The following COL25A1 variants were observed in gnomAD, a reference collection of about 807,000 sequenced individuals.
COL25A1 encodes the protein collagen type XXV alpha 1 chain, also known as collagen alpha-1(XXV) chain.
COL25A1 carries 103 observed loss-of-function variants against 128.4 expected under a neutral mutation model. The ratio of observed to expected loss-of-function variants is 0.80; its 90% CI spans 0.68 to 0.94. The LOEUF (loss-of-function observed/expected upper bound fraction) is 0.94, where lower values mean the gene tolerates loss of function less well. COL25A1 is among the 40% of genes least tolerant of loss of function. COL25A1 has a pLI of 0.00. For synonymous variants in COL25A1, 279 were observed against 277.2 expected, an observed-to-expected ratio of 1.01 and a Z score of -0.06; for missense variants, 745 against 840.0, an observed-to-expected ratio of 0.89 and a Z score of 1.40.
chr4:109,203,033 A>G (rs1319023858), intron 3 of COL25A1, among the ~76,000 whole-genome samples: 1 of 152,112 alleles, frequency 6.6e-6, no homozygotes, highest in African/African-American at 2.4e-5. Context: ...TCTTCCCCCA[A>G]AAGTCCTAGA....
chr4:108,863,314 C>CTCACCTT lies in COL25A1; in HGVS notation c.1150_1152+4dup, dbSNP rs1436392581. 6.2e-7 allele frequency: 1 copy of CTCACCTT among 1,613,312 alleles called. No homozygotes were observed. Among genetic ancestry groups the CTCACCTT allele is most frequent in the Admixed American group, 1.7e-5 (1 of 59,966 alleles). On this transcript the variant is annotated splice_donor_region_variant and intron_variant, in intron 21 of 37. Transcript: ENST00000399132. ...TGGTTATTTTCCAGTTTAAGAATAACTCACCTTTGGTCCGGGGGCTCCAGG... is the reference window on the plus strand; with the variant it reads ...TGGTTATTTTCCAGTTTAAGAATAACTCACCTTTCACCTTTGGTCCGGGGGCTCCAGG...
chr4:109,183,311 A>G (rs868587776), intron 3 of COL25A1, among the ~76,000 whole-genome samples: 4 of 152,150 alleles, frequency 2.6e-5, no homozygotes, highest in Admixed American at 6.6e-5. Flanking sequence ...AAAAGAGAAG[A>G]CAATGAAAAA....
intron 3 of COL25A1, among the ~76,000 whole-genome samples, chr4:109,202,773 A>G (rs370253363): frequency 1.3e-5 from 2 of 152,156 alleles, no homozygotes; most frequent in South Asian, 4.1e-4. Context: ...TCTATATTTT[A>G]TATATGTGTG....
At chr4:108,873,320 A>G (rs1738995074) in intron 19 of COL25A1, among the ~76,000 whole-genome samples, 1 of 152,218 alleles carries the variant, frequency 6.6e-6, no homozygotes, top group Admixed American at 6.5e-5. Flanking sequence ...TAGAACAAAA[A>G]TGCAGAATTT....
At chr4:108,862,170 G>T (rs868825884) in intron 22 of COL25A1, among the ~76,000 whole-genome samples, 2 of 152,092 alleles carry the variant, frequency 1.3e-5, no homozygotes, top group Non-Finnish European at 2.9e-5. Flanking sequence ...CAAAGACAGC[G>T]AGGAAATGAA....
intron 3 of COL25A1, among the ~76,000 whole-genome samples, chr4:109,123,316 A>AT: frequency 6.6e-6 from 1 of 151,962 alleles, no homozygotes; most frequent in Non-Finnish European, 1.5e-5. Context: ...TAAAAAAAAA[A>AT]CAGGTTGTTT....
At chr4:108,825,476 G>T (rs921744628) in intron 33 of COL25A1, among the ~76,000 whole-genome samples, 25 of 152,042 alleles carry the variant, frequency 1.6e-4, no homozygotes, top group African/African-American at 5.3e-4. Context: ...ATCAGTCCAG[G>T]AGTTAAATTA....
chr4:109,297,478 C>T (rs1224815617), intron 3 of COL25A1, among the ~76,000 whole-genome samples: 3 of 151,856 alleles, frequency 2.0e-5, no homozygotes, highest in African/African-American at 4.8e-5. Flanking sequence ...AAAAGTTTTC[C>T]CTGCAATTTT....
chr4:109,183,411 G>A (rs1337955956), intron 3 of COL25A1, among the ~76,000 whole-genome samples: 1 of 152,104 alleles, frequency 6.6e-6, no homozygotes, highest in East Asian at 1.9e-4. Flanking sequence ...ACCCTCAGGA[G>A]CAAACAACAA....
chr4:109,231,334 C>T (rs1779153570), intron 3 of COL25A1, among the ~76,000 whole-genome samples: 1 of 152,094 alleles, frequency 6.6e-6, no homozygotes, highest in South Asian at 2.1e-4. Flanking sequence ...AACTAATCTA[C>T]ACATTTTAGA....
chr4:108,989,283 A>G (rs895448383), intron 6 of COL25A1, among the ~76,000 whole-genome samples: 14 of 152,364 alleles, frequency 9.2e-5, no homozygotes, highest in African/African-American at 3.4e-4. Context: ...TGCAGTGCAC[A>G]GTGTGCACAA....
At position 108,901,142 on chromosome 4, in the gene COL25A1, G is replaced by C; in HGVS notation, c.811C>G (p.Gln271Glu). Residue 271 changes from glutamine (Q) to glutamate (E), a missense_variant, in exon 14 of 38, where the codon CAG (glutamine) becomes GAG (glutamate). Around this residue, in one of 3 missense-constraint regions of COL25A1, gnomAD observed 39 missense variants for 73.3 expected, o/e 0.53. Coordinates refer to ENST00000399132, the MANE Select transcript of COL25A1 (RefSeq NM_198721.4). ...ACCTTAGGTCCTGGTATTCCATTCT[G>C]TCCTACTGCTCCAGGCAACCCGGGC... ...GEPGLPGAVG[Q>E]NGIPGPKGEP... 1 of 1,612,266 alleles carries C rather than the reference G, an allele frequency of 6.2e-7. No individual in the cohort carries two copies. The highest frequency in any genetic ancestry group is 2.2e-5 in the East Asian group (1 of 44,822).
intron 19 of COL25A1, among the ~76,000 whole-genome samples, chr4:108,879,276 G>A (rs924258333): frequency 2.6e-5 from 4 of 152,290 alleles, no homozygotes; most frequent in Non-Finnish European, 5.9e-5. Context: ...TAATGTGGAA[G>A]CCAGAACAAA....
chr4:109,001,387 C>CTGTCAGGTAGGCATCTGAGATCT (rs1755367587), intron 6 of COL25A1, among the ~76,000 whole-genome samples: 2 of 152,182 alleles, frequency 1.3e-5, no homozygotes, highest in Non-Finnish European at 2.9e-5. Context: ...ATCTGAGATC[C>CTGTCAGGTAGGCATCTGAGATCT]TGTCAGGTAG....
intron 3 of COL25A1, among the ~76,000 whole-genome samples, chr4:109,105,584 C>T (rs918005112): frequency 2.6e-5 from 4 of 152,022 alleles, no homozygotes; most frequent in African/African-American, 4.8e-5. Context: ...ATTAAATAAT[C>T]TTGTTGGTGA....
chr4:109,067,246 A>G (rs1040216044), intron 3 of COL25A1, among the ~76,000 whole-genome samples: 2 of 152,200 alleles, frequency 1.3e-5, no homozygotes, highest in African/African-American at 4.8e-5. Flanking sequence ...TATGGATATA[A>G]AAATATCAAC....
chr4:109,251,764 T>C (rs968766991), intron 3 of COL25A1, among the ~76,000 whole-genome samples: 1 of 152,230 alleles, frequency 6.6e-6, no homozygotes, highest in Non-Finnish European at 1.5e-5. Context: ...TCACTAAGGG[T>C]AATAGTGAGT....
intron 3 of COL25A1, among the ~76,000 whole-genome samples, chr4:109,097,822 C>T (rs576720389): frequency 2.0e-5 from 3 of 151,822 alleles, no homozygotes; most frequent in South Asian, 2.1e-4. Flanking sequence ...CACCACCACG[C>T]CCAGCTAATT....
intron 3 of COL25A1, among the ~76,000 whole-genome samples, chr4:109,167,607 A>G (rs1773191911): frequency 6.6e-6 from 1 of 152,114 alleles, no homozygotes; most frequent in South Asian, 2.1e-4. Context: ...CTATTTTTCT[A>G]AAATCAGCTT....
Sources: gnomAD v4.1 joint callset for allele counts (sites outside exome capture counted in the v4.1 genomes callset) on GRCh38, gnomAD v4.1.1 for gene constraint, gnomAD v4.1.1 regional missense constraint, MANE v1.5 for transcripts, NCBI Gene and HGNC (gene_info 2026-07-23, HGNC 2026-07-21) for gene names.